Variants in CHST1 observed in about 807,000 individuals in gnomAD.
CHST1 encodes carbohydrate sulfotransferase 1, also known as Keratan sulfotransferase.
In CHST1, 10 loss-of-function variants were observed where a neutral mutation model predicts 22.5. The ratio of observed to expected loss-of-function variants is 0.44; its 90% CI spans 0.27 to 0.75. CHST1 has a LOEUF of 0.75. Among genes scored for constraint, CHST1 ranks in the 30% least tolerant of loss-of-function variants. The probability of loss-of-function intolerance (pLI) is 0.15; values close to 1 mark genes in which losing one functional copy is unlikely to be tolerated. For missense variants in CHST1, 439 were observed against 576.1 expected (o/e 0.76, Z 2.44); for synonymous variants, 267 against 264.5 (o/e 1.01, Z -0.09).
rs1213832750 is a variant in CHST1 at position 45,650,517 on chromosome 11, T to C, written c.407A>G (p.Glu136Gly). ...GACCGGCGGCGGCTTGATGTAGTTC[T>C]CCAGGAAGTAGAGGTCGCAGTCGTA... is the stretch of plus-strand genomic sequence containing the variant. ...SLYDCDLYFL[E>G]NYIKPPPVNH... The change falls in exon 4 of 4, where the codon GAG (glutamate) becomes GGG (glycine). Residue 136 changes from glutamate to glycine, a missense_variant. By Grantham distance (98) the Glu-to-Gly change is moderately conservative (BLOSUM62 -2). Coordinates refer to ENST00000308064, the MANE Select transcript of CHST1 (RefSeq NM_003654.6). 1.9e-6 allele frequency: 3 copies of C among 1,613,852 alleles called. No homozygotes were observed. Among genetic ancestry groups the C allele is most frequent in the Admixed American group, 3.3e-5 (2 of 60,026 alleles).
Position 45,649,991 on chromosome 11 carries a change from C to A in CHST1, c.933G>T (p.Lys311Asn). Residue 311 changes from lysine (K) to asparagine (N), a missense_variant, in exon 4 of 4, where the codon AAG becomes AAT. Lys to Asn is a moderately conservative substitution (Grantham distance 94). Coordinates refer to ENST00000308064, the MANE Select transcript of CHST1 (RefSeq NM_003654.6). ...GGAACCCGTAGATCTCCTCGGTCTT[C>A]TTCATAGGGTTCCGAGCCAGGTCCT... is the stretch of plus-strand genomic sequence containing the variant. The part of the protein sequence containing the change: ...RYEDLARNPM[K>N]KTEEIYGFLG... The A allele has an allele frequency of 6.2e-7, 1 of 1,614,028 alleles. No individual in the cohort carries two copies. The highest frequency in any genetic ancestry group is 8.5e-7 in the Non-Finnish European group (1 of 1,180,032).
chr11:45,656,201 A>G (rs905973557), intron 1 of CHST1, among the ~76,000 whole-genome samples: 20 of 152,262 alleles, frequency 1.3e-4, no homozygotes, highest in African/African-American at 4.6e-4. Context: ...AGTGCCCACA[A>G]TTTTACACAC....
rs968055629 is a variant in CHST1 at position 45,650,903 on chromosome 11, G to C, written c.21C>G (p.Ala7=). ...TGGAGGCCAGGGCAAGGAGGAGGAC[G>C]GCCTTCCAGGAACATTGCATGGCTG... MQCSWK[A]VLLLALASIA... is the part of the protein sequence containing the mutation. The change falls in exon 4 of 4, where the codon GCC becomes GCG. Residue 7 remains alanine (A), a synonymous_variant. Transcript: ENST00000308064. The C allele has an allele frequency of 1.3e-6, 2 of 1,538,870 alleles. No homozygotes were observed. The highest frequency in any genetic ancestry group is 1.8e-6 in the Non-Finnish European group (2 of 1,142,010).
At chr11:45,658,268 T>C (rs1200553999) in intron 1 of CHST1, among the ~76,000 whole-genome samples, 1 of 152,140 alleles carries the variant, frequency 6.6e-6, no homozygotes, top group Non-Finnish European at 1.5e-5. Flanking sequence ...AATCACAGAA[T>C]CTTTCTAATA....
intron 1 of CHST1, among the ~76,000 whole-genome samples, chr11:45,663,565 G>A (rs1224018178): frequency 6.6e-6 from 1 of 152,168 alleles, no homozygotes; most frequent in Non-Finnish European, 1.5e-5. Flanking sequence ...GGGGAAGCCG[G>A]GTGTTGAGTG....
intron 1 of CHST1, among the ~76,000 whole-genome samples, chr11:45,656,099 A>G (rs113477356): frequency 1.3e-5 from 2 of 152,188 alleles, no homozygotes; most frequent in Admixed American, 1.3e-4. Context: ...TGCTGTACAG[A>G]AATCCCATGA....
chr11:45,663,185 G>A (rs1011973115), intron 1 of CHST1, among the ~76,000 whole-genome samples: 3 of 152,158 alleles, frequency 2.0e-5, no homozygotes, highest in African/African-American at 4.8e-5. Context: ...GGGTAGGCAA[G>A]GGGAATCTAG....
Position 45,650,399 on chromosome 11 carries a change from G to C in CHST1, c.525C>G (p.Val175=). The change falls in exon 4 of 4, where the codon GTC becomes GTG. Residue 175 remains valine, a synonymous_variant. Coordinates refer to ENST00000308064, the MANE Select transcript of CHST1 (RefSeq NM_003654.6). ...VCDPPGPADL[V]LEEGDCVRKC... ...TGCGCACACAGTCCCCCTCCTCCAGGACCAGGTCGGCTGGCCCCGGAGGGT... is the reference window on the plus strand; with the variant it reads ...TGCGCACACAGTCCCCCTCCTCCAGCACCAGGTCGGCTGGCCCCGGAGGGT... The C allele has an allele frequency of 6.2e-7, 1 of 1,605,486 alleles. No individual in the cohort carries two copies. Among genetic ancestry groups the C allele is most frequent in the Non-Finnish European group, 8.5e-7 (1 of 1,179,712 alleles).
At chr11:45,660,785 C>G (rs1255107225) in intron 1 of CHST1, among the ~76,000 whole-genome samples, 2 of 152,212 alleles carry the variant, frequency 1.3e-5, no homozygotes, top group African/African-American at 4.8e-5. Context: ...GCTTGGGGCC[C>G]CCCACACACT....
chr11:45,657,952 A>G (rs1852083060), intron 1 of CHST1, among the ~76,000 whole-genome samples: 1 of 152,198 alleles, frequency 6.6e-6, no homozygotes, highest in East Asian at 1.9e-4. Context: ...AAGCACCTGG[A>G]GAGCAATTGG....
intron 1 of CHST1, among the ~76,000 whole-genome samples, chr11:45,664,675 G>C (rs12362984): frequency 0.034 from 5,117 of 152,336 alleles, 113 homozygotes; most frequent in Non-Finnish European, 0.051. Context: ...GCCCCACAGG[G>C]GCCCAGCTCA....
intron 1 of CHST1, among the ~76,000 whole-genome samples, chr11:45,654,106 G>A (rs1226928572): frequency 6.6e-6 from 1 of 152,164 alleles, no homozygotes; most frequent in African/African-American, 2.4e-5. Flanking sequence ...TAATTCTGGG[G>A]TTCCAATTCC....
chr11:45,658,074 T>C (rs1852084588), intron 1 of CHST1, among the ~76,000 whole-genome samples: 1 of 152,190 alleles, frequency 6.6e-6, no homozygotes, highest in African/African-American at 2.4e-5. Flanking sequence ...GTCTCAAGCC[T>C]CCTGGAGAAG....
chr11:45,662,766 G>A (rs533253618), intron 1 of CHST1, among the ~76,000 whole-genome samples: 49 of 152,244 alleles, frequency 3.2e-4, no homozygotes, highest in African/African-American at 1.1e-3. Flanking sequence ...CCATGAGCCC[G>A]GGCACCTAGC....
intron 1 of CHST1, among the ~76,000 whole-genome samples, chr11:45,658,184 T>G (rs1253554035): frequency 6.6e-6 from 1 of 152,206 alleles, no homozygotes; most frequent in Non-Finnish European, 1.5e-5. Context: ...TGTTGCCTTA[T>G]AGCTATGAGG....
rs760717126 is a variant in CHST1, at chr11:45,650,341, C to A, written c.583G>T (p.Glu195Ter). 6.2e-7 allele frequency: 1 copy of A among 1,603,226 alleles called. No homozygotes were observed. The highest frequency in any genetic ancestry group is 1.1e-5 in the South Asian group (1 of 91,040). Reference protein sequence around the residue: ...CGLLNLTVAAEACRERSHVAI... With the variant: ...CGLLNLTVAA ...ACGTGGCTGCGCTCGCGGCACGCCT[C>A]GGCCGCCACGGTCAGGTTGAGTAGC... The change falls in exon 4 of 4, where the codon GAG (glutamate) becomes TAG (stop). Residue 195 changes from glutamate to a stop codon, truncating the protein, a stop_gained. Coordinates refer to ENST00000308064, the MANE Select transcript of CHST1 (RefSeq NM_003654.6). LOFTEE classifies it high-confidence loss of function.
chr11:45,650,032 T>C lies in CHST1; in HGVS notation c.892A>G (p.Met298Val). 6.2e-7 allele frequency: 1 copy of C among 1,613,924 alleles called. No individual in the cohort carries two copies. The highest frequency in any genetic ancestry group is 8.5e-7 in the Non-Finnish European group (1 of 1,179,966). The part of the protein sequence containing the change: ...MRPPWLKGKY[M>V]LVRYEDLARN... ...GCCAGGTCCTCGTAGCGCACCAACATGTACTTGCCCTTGAGCCACGGGGGC... is the reference window on the plus strand; with the variant it reads ...GCCAGGTCCTCGTAGCGCACCAACACGTACTTGCCCTTGAGCCACGGGGGC... The change falls in exon 4 of 4, where the codon ATG (methionine) becomes GTG (valine). Residue 298 changes from methionine (M) to valine (V), a missense_variant. Transcript: ENST00000308064.
At chr11:45,664,278 A>C (rs565698074) in intron 1 of CHST1, among the ~76,000 whole-genome samples, 34 of 152,296 alleles carry the variant, frequency 2.2e-4, no homozygotes, top group African/African-American at 8.2e-4. Context: ...GGCCGGCCCA[A>C]GCCCGTCTTC....
At chr11:45,654,209 T>C (rs1179851808) in intron 1 of CHST1, among the ~76,000 whole-genome samples, 1 of 152,142 alleles carries the variant, frequency 6.6e-6, no homozygotes, top group Non-Finnish European at 1.5e-5. Flanking sequence ...CCCCAACTCT[T>C]CATCCACCCA....
Sources: gnomAD v4.1 joint callset for allele counts (sites outside exome capture counted in the v4.1 genomes callset) on GRCh38, gnomAD v4.1.1 for gene constraint, MANE v1.5 for transcripts, NCBI Gene and HGNC (gene_info 2026-07-23, HGNC 2026-07-21) for gene names.